UGT1A5: variants seen among roughly 807,000 people sequenced by gnomAD.
The protein encoded by UGT1A5 is UDP-glucuronosyltransferase 1A5.
Under a neutral mutation model 40.3 loss-of-function variants are expected in UGT1A5, and 29 were observed. The observed-to-expected ratio is 0.72, with a 90% CI of 0.54 to 0.98. UGT1A5 has a LOEUF of 0.98. Ranked by LOEUF, UGT1A5 falls within the 50% of genes least tolerant of loss-of-function variation. The probability of loss-of-function intolerance (pLI) is 0.00; values close to 1 mark genes in which losing one functional copy is unlikely to be tolerated. For missense variants in UGT1A5, 678 were observed against 677.9 expected (o/e 1.00, Z 0.00); for synonymous variants, 257 against 262.5 (o/e 0.98, Z 0.20).
intron 1 of UGT1A5, among the ~76,000 whole-genome samples, chr2:233,714,127 G>A (rs1240971453): frequency 2.0e-5 from 3 of 152,154 alleles, no homozygotes; most frequent in African/African-American, 4.8e-5. Context: ...GAGACTGTTC[G>A]TTTGTAAAAG....
At chr2:233,717,873 G>A (rs1268919584) in intron 1 of UGT1A5, 4 of 454,746 alleles carry the variant, frequency 8.8e-6, no homozygotes, top group African/African-American at 2.0e-5. Flanking sequence ...TTGACTTGGA[G>A]AAAAGCCTGG....
At position 233,769,030 on chromosome 2, in the gene UGT1A5, A is replaced by G. The variant is rs1369352074; in HGVS notation, c.1307+591A>G. 1.3e-5 allele frequency among the ~76,000 whole-genome samples: 2 copies of G among 152,206 alleles called. No homozygotes were observed. Among genetic ancestry groups the G allele is most frequent in the African/African-American group, 4.8e-5 (2 of 41,454 alleles). On this transcript the variant is annotated intron_variant, in intron 4 of 4. Transcript: ENST00000373414. The surrounding 1 kb of genome is among the most constrained non-coding windows in gnomAD (Gnocchi z 4.4). ...CCAATTTACATAAAAAGTTGCCATAATAGACATCTGATCCATAAGTTTCCT... is the reference window on the plus strand; with the variant it reads ...CCAATTTACATAAAAAGTTGCCATAGTAGACATCTGATCCATAAGTTTCCT...
rs199723856 is a variant in UGT1A5, at chr2:233,772,452, G to C, written c.1498G>C (p.Val500Leu). Residue 500 changes from valine (V) to leucine (L), a missense_variant, in exon 5 of 5, where the codon GTG (valine) becomes CTG (leucine). By Grantham distance (32) the Val-to-Leu change is conservative. Coordinates refer to ENST00000373414, the MANE Select transcript of UGT1A5 (RefSeq NM_019078.2). ...LDVIGFLLAV[V>L]LTVAFITFKC... Reference sequence around the variant, plus strand: ...CGTGATTGGTTTCCTCTTGGCCGTCGTGCTGACAGTGGCCTTCATCACCTT... The same window carrying C: ...CGTGATTGGTTTCCTCTTGGCCGTCCTGCTGACAGTGGCCTTCATCACCTT... 6.2e-7 allele frequency: 1 copy of C among 1,614,176 alleles called. No homozygotes were observed. Among genetic ancestry groups the C allele is most frequent in the Non-Finnish European group, 8.5e-7 (1 of 1,180,044 alleles).
At position 233,773,229 on chromosome 2, in the gene UGT1A5, G is replaced by T. The variant is rs71539604; in HGVS notation, c.*670G>T. On this transcript the variant is annotated 3_prime_UTR_variant, in exon 5 of 5. Transcript: ENST00000373414. ...AAAACCCAAAATACAGCTATGAAGT[G>T]CTGGGCAAGTTTACTTTTTTTCTGA... 2 of 152,312 alleles carry T rather than the reference G, an allele frequency of 1.3e-5. No individual in the cohort carries two copies. The highest frequency in any genetic ancestry group is 2.9e-5 in the Non-Finnish European group (2 of 68,032). The allele number at this position is 152,312 out of a possible 1,614,324, so 9.4% of individuals were successfully genotyped here.
intron 1 of UGT1A5, among the ~76,000 whole-genome samples, chr2:233,765,636 G>A (rs1698897187): frequency 6.6e-6 from 1 of 151,630 alleles, no homozygotes; most frequent in Non-Finnish European, 1.5e-5. Context: ...GGAACTTAGA[G>A]GATAGGTCAA....
chr2:233,719,383 C>G (rs778111484), intron 1 of UGT1A5: 11 of 1,613,932 alleles, frequency 6.8e-6, no homozygotes, highest in Non-Finnish European at 9.3e-6. Flanking sequence ...ACACAGTGTC[C>G]AAATCCTTCC....
intron 1 of UGT1A5, chr2:233,747,763 G>A (rs181313522): frequency 8.1e-6 from 13 of 1,613,376 alleles, no homozygotes; most frequent in East Asian, 6.7e-5. Flanking sequence ...GACTTTAAGG[G>A]CACACAGTGT....
At chr2:233,741,525 C>T (rs916484362) in intron 1 of UGT1A5, 1 of 151,902 alleles carries the variant, frequency 6.6e-6, no homozygotes, top group South Asian at 2.1e-4. Context: ...CCTTAACAGT[C>T]TGTCTTATTC....
chr2:233,723,612 A>G (rs2077104737), intron 1 of UGT1A5, among the ~76,000 whole-genome samples: 1 of 100,308 alleles, frequency 1.0e-5, no homozygotes, highest in Admixed American at 1.1e-4. Context: ...ACAATAGTGG[A>G]GGGAAGGTCA....
At chr2:233,731,346 T>C (rs1050740292) in intron 1 of UGT1A5, among the ~76,000 whole-genome samples, 9 of 151,806 alleles carry the variant, frequency 5.9e-5, no homozygotes, top group African/African-American at 2.2e-4. Flanking sequence ...GCAGGTTTGA[T>C]ACATAGGTAT....
chr2:233,758,824 C>A (rs1696993714), intron 1 of UGT1A5, among the ~76,000 whole-genome samples: 1 of 152,138 alleles, frequency 6.6e-6, no homozygotes, highest in African/African-American at 2.4e-5. Flanking sequence ...TATATCCCCC[C>A]CAAAAAGAGT....
At chr2:233,717,752 T>C (rs1429389060) in intron 1 of UGT1A5, 2 of 456,612 alleles carry the variant, frequency 4.4e-6, no homozygotes, top group South Asian at 3.1e-5. Flanking sequence ...GGTCTCCCCC[T>C]AGAAAGGCAC....
intron 1 of UGT1A5, among the ~76,000 whole-genome samples, chr2:233,725,446 A>G (rs1478370195): frequency 6.6e-6 from 1 of 152,006 alleles, no homozygotes; most frequent in Non-Finnish European, 1.5e-5. Flanking sequence ...AGCCACATAC[A>G]TAATTTAAAC....
chr2:233,724,362 A>G (rs1231465010), intron 1 of UGT1A5, among the ~76,000 whole-genome samples: 2 of 144,194 alleles, frequency 1.4e-5, no homozygotes, highest in Non-Finnish European at 1.5e-5. Flanking sequence ...TCCCTCCCGG[A>G]CGGGGTGGCT....
At position 233,769,409 on chromosome 2, in the gene UGT1A5, G is replaced by T; in HGVS notation, c.1307+970G>T. The T allele has an allele frequency of 7.6e-7, 1 of 1,316,726 alleles. No individual in the cohort carries two copies. Among genetic ancestry groups the T allele is most frequent in the South Asian group, 1.3e-5 (1 of 78,812 alleles). 81.6% of individuals were successfully genotyped at this position (1,316,726 alleles called of 1,614,324 possible). A position where few individuals can be genotyped will look rare whatever the true frequency, so the allele number is the denominator to read the frequency against. On this transcript the variant is annotated intron_variant, in intron 4 of 4. Transcript: ENST00000373414. The surrounding 1 kb of genome is among the most constrained non-coding windows in gnomAD (Gnocchi z 4.4). The stretch of plus-strand genomic sequence containing the variant: ...AGATACTGTGTGCATATGTGCGTGT[G>T]CGTTTGTGCATGTGGCTGTGCTCAT...
Position 233,713,467 on chromosome 2 carries a change from C to G in UGT1A5, c.476C>G (p.Ala159Gly). Residue 159 changes from alanine to glycine, a missense_variant, in exon 1 of 5, where the codon GCG (alanine) becomes GGG (glycine). Transcript: ENST00000373414. The stretch of plus-strand genomic sequence containing the variant: ...ACAGACCCCTTTCACCTCTGCGCGG[C>G]GGTGCTGGCTAAGTACCTGTCGATT... ...VLTDPFHLCA[A>G]VLAKYLSIPA... 6.2e-7 allele frequency: 1 copy of G among 1,614,058 alleles called. No homozygotes were observed. Among genetic ancestry groups the G allele is most frequent in the Non-Finnish European group, 8.5e-7 (1 of 1,179,980 alleles).
chr2:233,766,296 C>G (rs1251598094), intron 1 of UGT1A5, among the ~76,000 whole-genome samples: 2 of 152,064 alleles, frequency 1.3e-5, no homozygotes, highest in Non-Finnish European at 2.9e-5. Context: ...GTGGCCTGGG[C>G]TCTCCTCCGA....
intron 1 of UGT1A5, chr2:233,719,568 A>C (rs1164551922): frequency 1.9e-6 from 3 of 1,613,756 alleles, no homozygotes; most frequent in East Asian, 2.2e-5. Flanking sequence ...GGATCTTGTC[A>C]GCTATGCATC....
chr2:233,723,609 T>C (rs2077104515), intron 1 of UGT1A5, among the ~76,000 whole-genome samples: 1 of 104,888 alleles, frequency 9.5e-6, no homozygotes. Context: ...GGGACAATAG[T>C]GGAGGGAAGG....
Sources: allele counts gnomAD v4.1 joint callset (sites outside exome capture counted in the v4.1 genomes callset), GRCh38; gene constraint gnomAD v4.1.1; non-coding constraint Gnocchi (gnomAD v3.1); transcripts MANE v1.5; gene names NCBI Gene and HGNC (gene_info 2026-07-23, HGNC 2026-07-21).